Variants in CSMD1 observed in about 807,000 individuals in gnomAD.
CSMD1 encodes CUB and sushi domain-containing protein 1.
Under a neutral mutation model 417.5 loss-of-function variants are expected in CSMD1, and 213 were observed. The observed-to-expected ratio is 0.51, with a 90% confidence interval of 0.46 to 0.57. The LOEUF is 0.57. Among genes scored for constraint, CSMD1 ranks in the 20% least tolerant of loss-of-function variants. The pLI is 0.00. For missense variants in CSMD1, 6,923 were observed against 4,529.7 expected (o/e 1.53, Z -15.17); for synonymous variants, 2,862 against 1,736.8 (o/e 1.65, Z -16.11).
chr8:3,828,396 A>G (rs17067708), intron 5 of CSMD1, among the ~76,000 whole-genome samples: 2 of 152,150 alleles, frequency 1.3e-5, no homozygotes, highest in African/African-American at 4.8e-5. Flanking sequence ...AAACTGCGTT[A>G]CCATATTGTC....
At chr8:3,726,454 A>C (rs907256768) in intron 6 of CSMD1, among the ~76,000 whole-genome samples, 4 of 152,222 alleles carry the variant, frequency 2.6e-5, no homozygotes, top group African/African-American at 9.6e-5. Context: ...GTCAGCAGGT[A>C]TTGAATGTGT....
chr8:3,859,992 A>C (rs1314326251), intron 5 of CSMD1, among the ~76,000 whole-genome samples: 1 of 152,136 alleles, frequency 6.6e-6, no homozygotes, highest in Non-Finnish European at 1.5e-5. Context: ...TGGTTTTGGG[A>C]AACCCAAACT....
Position 3,812,947 on chromosome 8 carries a change from C to T in CSMD1, c.819-58905G>A, listed in dbSNP as rs554349839. ...CTCTTTGATAACGTCAGGTATCTAT[C>T]ATGGTAAAGGGAACAGGCAGTGCAA... On this transcript the variant is annotated intron_variant, in intron 5 of 69. Transcript: ENST00000635120. Among the ~76,000 whole-genome samples, 6 of 152,226 alleles carry T rather than the reference C, an allele frequency of 3.9e-5. No individual in the cohort carries two copies. In the South Asian group the frequency reaches 1.2e-3, roughly 32 times the overall value.
At chr8:3,460,070 G>A (rs1185189462) in intron 12 of CSMD1, among the ~76,000 whole-genome samples, 2 of 152,154 alleles carry the variant, frequency 1.3e-5, no homozygotes, top group Non-Finnish European at 2.9e-5. Flanking sequence ...TGCATTCCCA[G>A]AGCTTCTGTC....
At chr8:4,014,753 G>C (rs890578752) in intron 4 of CSMD1, among the ~76,000 whole-genome samples, 3 of 152,184 alleles carry the variant, frequency 2.0e-5, no homozygotes, top group Non-Finnish European at 4.4e-5. Flanking sequence ...CCATCACAAA[G>C]AAGGGCATTT....
intron 5 of CSMD1, among the ~76,000 whole-genome samples, chr8:3,780,519 G>T (rs773810788): frequency 6.6e-6 from 1 of 152,134 alleles, no homozygotes; most frequent in Non-Finnish European, 1.5e-5. Context: ...AATTTTTGTG[G>T]TACTACTGAA....
At chr8:4,930,784 A>G (rs1213083633) in intron 1 of CSMD1, among the ~76,000 whole-genome samples, 1 of 152,202 alleles carries the variant, frequency 6.6e-6, no homozygotes, top group African/African-American at 2.4e-5. Context: ...AAATTAAGGA[A>G]AGCAATTTCA....
intron 2 of CSMD1, among the ~76,000 whole-genome samples, chr8:4,449,410 G>A (rs781776827): frequency 6.6e-6 from 1 of 152,090 alleles, no homozygotes; most frequent in Non-Finnish European, 1.5e-5. Flanking sequence ...GCTATGTTTA[G>A]AATAGCCGTG....
At chr8:4,836,797 T>G (rs996956786) in intron 1 of CSMD1, among the ~76,000 whole-genome samples, 3 of 151,982 alleles carry the variant, frequency 2.0e-5, no homozygotes, top group Non-Finnish European at 4.4e-5. Context: ...CACACTGATG[T>G]AATCGGGCCC....
At chr8:4,249,185 C>G (rs1042173731) in intron 3 of CSMD1, among the ~76,000 whole-genome samples, 1 of 152,166 alleles carries the variant, frequency 6.6e-6, no homozygotes, top group Non-Finnish European at 1.5e-5. Context: ...CTACTTGAAG[C>G]TTGATAGTGT....
chr8:3,541,810 G>C (rs1798452071), intron 10 of CSMD1, among the ~76,000 whole-genome samples: 1 of 151,500 alleles, frequency 6.6e-6, no homozygotes, highest in Non-Finnish European at 1.5e-5. Context: ...AATTTGTGCT[G>C]GGCATGATGG....
Position 4,657,073 on chromosome 8 carries a change from G to A in CSMD1, c.86-19515C>T, listed in dbSNP as rs371955744. ...GGAGGCAAATAACACAGTGCCCAAA[G>A]CTGCACAGAAAAGCTAGGCACAGAT... On this transcript the variant is annotated intron_variant, in intron 1 of 69. Transcript: ENST00000635120. Among the ~76,000 whole-genome samples, 10 of 152,234 alleles carry A rather than the reference G, an allele frequency of 6.6e-5. No individual in the cohort carries two copies. In the East Asian group the frequency reaches 1.9e-3, roughly 29 times the overall value.
intron 3 of CSMD1, among the ~76,000 whole-genome samples, chr8:4,376,403 C>G (rs1035007368): frequency 6.6e-6 from 1 of 152,126 alleles, no homozygotes; most frequent in African/African-American, 2.4e-5. Context: ...TGCTGTGATT[C>G]TCTTGTGCAT....
intron 25 of CSMD1, among the ~76,000 whole-genome samples, chr8:3,293,246 G>T (rs1227473030): frequency 6.6e-6 from 1 of 152,050 alleles, no homozygotes; most frequent in Non-Finnish European, 1.5e-5. Flanking sequence ...TTTCTCTCTG[G>T]CTGCCTTTAA....
rs574791855 is a variant in CSMD1, at chr8:3,098,902, A to T, written c.6950-1865T>A. Among the ~76,000 whole-genome samples, 116 of 147,998 alleles carry T rather than the reference A, an allele frequency of 7.8e-4. 1 individual carries two copies. The highest frequency in any genetic ancestry group is 1.2e-3 in the Non-Finnish European group (79 of 67,192). ...CAATATACACAATTTTTTTTTTTTT[A>T]AATCTAAAGCACTATGTGGGCAGAA... is the stretch of plus-strand genomic sequence containing the variant. On this transcript the variant is annotated intron_variant, in intron 46 of 69. Transcript: ENST00000635120.
intron 1 of CSMD1, among the ~76,000 whole-genome samples, chr8:4,808,245 G>A (rs534876465): frequency 6.6e-6 from 1 of 152,264 alleles, no homozygotes; most frequent in South Asian, 2.1e-4. Flanking sequence ...CATTAGGAAC[G>A]ATGATCAGAG....
chr8:2,996,596 C>T (rs1452295603), intron 54 of CSMD1, among the ~76,000 whole-genome samples: 1 of 152,204 alleles, frequency 6.6e-6, no homozygotes. Context: ...CTCTTGAGCT[C>T]CAGAGCATAT....
intron 39 of CSMD1, among the ~76,000 whole-genome samples, chr8:3,155,844 C>T (rs1039051557): frequency 2.6e-5 from 4 of 152,178 alleles, no homozygotes; most frequent in African/African-American, 9.7e-5. Flanking sequence ...GACGTTCTCT[C>T]CTGGATGAGC....
At chr8:3,421,293 AG>A (rs1813473106) in intron 12 of CSMD1, among the ~76,000 whole-genome samples, 1 of 152,196 alleles carries the variant, frequency 6.6e-6, no homozygotes, top group Non-Finnish European at 1.5e-5. Flanking sequence ...GTCCTCCACA[AG>A]GAAACAGTTG....
Sources: gnomAD v4.1 joint callset for allele counts (sites outside exome capture counted in the v4.1 genomes callset) on GRCh38, gnomAD v4.1.1 for gene constraint, MANE v1.5 for transcripts, NCBI Gene and HGNC (gene_info 2026-07-23, HGNC 2026-07-21) for gene names.